LRIG1: variants seen among roughly 807,000 people sequenced by gnomAD.
LRIG1 encodes the protein leucine-rich repeats and immunoglobulin-like domains protein 1.
In LRIG1, 48 loss-of-function variants were observed where a neutral mutation model predicts 99.2. The ratio of observed to expected loss-of-function variants is 0.48; its 90% CI spans 0.38 to 0.62. The LOEUF (loss-of-function observed/expected upper bound fraction) is 0.62. Ranked by LOEUF, LRIG1 falls within the 20% of genes least tolerant of loss-of-function variation. The probability of loss-of-function intolerance (pLI) is 0.00; values close to 1 mark genes in which losing one functional copy is unlikely to be tolerated. For synonymous variants in LRIG1, 772 were observed against 596.1 expected, an observed-to-expected ratio of 1.29 and a Z score of -4.30; for missense variants, 1,646 against 1,434.4, an observed-to-expected ratio of 1.15 and a Z score of -2.38.
At chr3:66,481,808 ACTT>A (rs1487243613) in intron 1 of LRIG1, among the ~76,000 whole-genome samples, 2 of 152,196 alleles carry the variant, frequency 1.3e-5, no homozygotes, top group Non-Finnish European at 2.9e-5. Flanking sequence ...TCAGTGCACT[ACTT>A]TTACTTTTCA....
At chr3:66,419,632 T>C (rs1315882554) in intron 3 of LRIG1, among the ~76,000 whole-genome samples, 1 of 151,872 alleles carries the variant, frequency 6.6e-6, no homozygotes, top group African/African-American at 2.4e-5. Flanking sequence ...CAACAGCAAA[T>C]GCCTCGCAGC....
chr3:66,393,916 C>T lies in LRIG1; in HGVS notation c.1468+124G>A, dbSNP rs866357940. On this transcript the variant is annotated intron_variant, in intron 12 of 18. Transcript: ENST00000273261. ...TCAGCAAGAAATAAATTGCATCCAG[C>T]AGCTGATCTGTAACCACGGGCTGGG... The T allele has an allele frequency of 5.1e-6, 5 of 986,520 alleles. No homozygotes were observed. The African/African-American group carries it at 6.5e-5, about 13-fold the overall frequency. The allele number at this position is 986,520 out of a possible 1,614,324, so 61.1% of individuals were successfully genotyped here.
At chr3:66,401,627 T>C in intron 9 of LRIG1, 1 of 1,528,390 alleles carries the variant, frequency 6.5e-7, no homozygotes, top group Non-Finnish European at 8.7e-7. Context: ...AGCAGACATA[T>C]GGGGCTGGGA....
intron 3 of LRIG1, among the ~76,000 whole-genome samples, chr3:66,448,333 C>T (rs935205183): frequency 2.0e-5 from 3 of 151,958 alleles, no homozygotes; most frequent in African/African-American, 7.3e-5. Flanking sequence ...TCTGCATAAG[C>T]AAAATGAAAC....
intron 3 of LRIG1, among the ~76,000 whole-genome samples, chr3:66,435,726 T>C (rs1368668885): frequency 2.6e-5 from 4 of 152,254 alleles, no homozygotes; most frequent in East Asian, 1.9e-4. Context: ...CTGTACAAGA[T>C]GTCACCATTG....
intron 1 of LRIG1, among the ~76,000 whole-genome samples, chr3:66,464,671 T>G (rs1057123285): frequency 6.6e-6 from 1 of 152,258 alleles, no homozygotes; most frequent in African/African-American, 2.4e-5. Flanking sequence ...GAGCTAGGGC[T>G]CACCAGGTCT....
At chr3:66,437,110 GTC>G (rs1703385984) in intron 3 of LRIG1, among the ~76,000 whole-genome samples, 1 of 152,122 alleles carries the variant, frequency 6.6e-6, no homozygotes, top group South Asian at 2.1e-4. Context: ...TTTTCCTTCC[GTC>G]TCTGCAGTGG....
In LRIG1 at chr3:66,386,273, G is replaced by T. The variant is rs1040109367; in HGVS notation, c.1497C>A (p.Thr499=). The stretch of plus-strand genomic sequence containing the variant: ...CCATAGCCATGGTGGTTTCTGGCTG[G>T]GTGATGATCTGTGGCTTCAGGAAGT... ...CDDFLKPQII[T]QPETTMAMVG... Residue 499 remains threonine (T), a synonymous_variant, in exon 13 of 19, where the codon ACC becomes ACA. Transcript: ENST00000273261. The T allele has an allele frequency of 3.1e-6, 5 of 1,614,058 alleles. No individual in the cohort carries two copies. Among genetic ancestry groups the T allele is most frequent in the Non-Finnish European group, 4.2e-6 (5 of 1,179,976 alleles).
chr3:66,487,337 C>T (rs1700997763), intron 1 of LRIG1, among the ~76,000 whole-genome samples: 1 of 151,750 alleles, frequency 6.6e-6, no homozygotes, highest in Non-Finnish European at 1.5e-5. Context: ...GCCTTTTACT[C>T]CTGATATTTA....
At chr3:66,446,133 TGCTA>T (rs1471953695) in intron 3 of LRIG1, among the ~76,000 whole-genome samples, 6 of 152,302 alleles carry the variant, frequency 3.9e-5, no homozygotes, top group African/African-American at 1.4e-4. Flanking sequence ...CCAGAGGGTT[TGCTA>T]GGTACTCAGA....
chr3:66,436,246 C>T (rs1237306356), intron 3 of LRIG1, among the ~76,000 whole-genome samples: 3 of 152,242 alleles, frequency 2.0e-5, no homozygotes, highest in Middle Eastern at 6.8e-3. Context: ...AAGTGGCAGA[C>T]GCAGGTTGCC....
At chr3:66,439,656 T>C (rs572128504) in intron 3 of LRIG1, among the ~76,000 whole-genome samples, 4 of 152,140 alleles carry the variant, frequency 2.6e-5, no homozygotes, top group Non-Finnish European at 5.9e-5. Flanking sequence ...TTGCCTATTG[T>C]TTTACTATAA....
At chr3:66,461,660 C>T (rs1700357257) in intron 2 of LRIG1, among the ~76,000 whole-genome samples, 2 of 152,140 alleles carry the variant, frequency 1.3e-5, no homozygotes, top group Non-Finnish European at 2.9e-5. Context: ...ATTCTTCACA[C>T]GTTTCTGTAG....
At chr3:66,403,873 G>A (rs1164053410) in intron 9 of LRIG1, among the ~76,000 whole-genome samples, 4 of 152,178 alleles carry the variant, frequency 2.6e-5, no homozygotes, top group African/African-American at 4.8e-5. Context: ...GAGTGGTGGC[G>A]CCAGTGCTGA....
intron 3 of LRIG1, among the ~76,000 whole-genome samples, chr3:66,445,819 A>C (rs563496708): frequency 2.6e-5 from 4 of 152,282 alleles, no homozygotes; most frequent in Admixed American, 1.3e-4. Flanking sequence ...GCCCATCCCC[A>C]CACACACATG....
chr3:66,499,792 A>C (rs1345380072), intron 1 of LRIG1, among the ~76,000 whole-genome samples: 1 of 152,016 alleles, frequency 6.6e-6, no homozygotes, highest in Non-Finnish European at 1.5e-5. Flanking sequence ...ACGCACCCAC[A>C]TACCCCCACA....
chr3:66,440,318 A>G (rs1278662615), intron 3 of LRIG1, among the ~76,000 whole-genome samples: 4 of 152,178 alleles, frequency 2.6e-5, no homozygotes, highest in African/African-American at 4.8e-5. Context: ...TCATTCTACT[A>G]TGAGTGAGAG....
At chr3:66,393,083 C>G (rs569107327) in intron 12 of LRIG1, among the ~76,000 whole-genome samples, 2 of 152,212 alleles carry the variant, frequency 1.3e-5, no homozygotes, top group Non-Finnish European at 2.9e-5. Context: ...AGGGCACACA[C>G]ATCTTGCCTC....
At chr3:66,441,109 A>G (rs1338656552) in intron 3 of LRIG1, among the ~76,000 whole-genome samples, 1 of 152,164 alleles carries the variant, frequency 6.6e-6, no homozygotes, top group Non-Finnish European at 1.5e-5. Context: ...AGACTCTACA[A>G]TAGGACAGCT....
Sources: allele counts gnomAD v4.1 joint callset (sites outside exome capture counted in the v4.1 genomes callset), GRCh38; gene constraint gnomAD v4.1.1; transcripts MANE v1.5; gene names NCBI Gene and HGNC (gene_info 2026-07-23, HGNC 2026-07-21).